CD276: variants seen among roughly 807,000 people sequenced by gnomAD.
The protein encoded by CD276 is CD276 molecule.
In CD276, 34 loss-of-function variants were observed where a neutral mutation model predicts 50.0. That is an observed-to-expected ratio of 0.68 (90% CI 0.52 to 0.91). The LOEUF is 0.91. CD276 is among the 40% of genes least tolerant of loss of function. The pLI, the probability that CD276 is intolerant of heterozygous loss-of-function variation, is 0.00. For missense variants in CD276, 634 were observed against 717.5 expected, an observed-to-expected ratio of 0.88 and a Z score of 1.33; for synonymous variants, 275 against 313.0, an observed-to-expected ratio of 0.88 and a Z score of 1.28.
At chr15:73,695,950 C>T (rs1346162217) in intron 1 of CD276, among the ~76,000 whole-genome samples, 1 of 152,228 alleles carries the variant, frequency 6.6e-6, no homozygotes, top group Admixed American at 6.5e-5. Flanking sequence ...TCCCCAGGCC[C>T]AGGGCATTTT....
intron 7 of CD276, 148 bp from the exon 8 acceptor site, chr15:73,709,500 G>T: frequency 1.3e-6 from 1 of 757,028 alleles, no homozygotes; most frequent in Non-Finnish European, 2.3e-6. Context: ...TCTGCTCTCG[G>T]GCTCTAACCC....
At chr15:73,708,198 T>C (rs1009682830) in intron 6 of CD276, 141 bp from the exon 7 acceptor site, 2 of 853,214 alleles carry the variant, frequency 2.3e-6, no homozygotes, top group Non-Finnish European at 3.6e-6. Context: ...GAAGGGACTG[T>C]AGGAACTTAA....
chr15:73,703,572 G>A, intron 4 of CD276, 87 bp from the exon 5 acceptor site: 1 of 1,057,252 alleles, frequency 9.5e-7, no homozygotes, highest in Non-Finnish European at 1.3e-6. Context: ...TCTGGGAATT[G>A]ATGGGGGAAG....
At chr15:73,699,540 G>T in intron 1 of CD276, 46 bp from the exon 2 acceptor site, 1 of 1,544,764 alleles carries the variant, frequency 6.5e-7, no homozygotes, top group Non-Finnish European at 8.7e-7. Flanking sequence ...GAGATGGTCT[G>T]GGGAGAACCT....
intron 7 of CD276, among the ~76,000 whole-genome samples, chr15:73,709,325 G>T (rs1035441144): frequency 6.6e-6 from 1 of 151,972 alleles, no homozygotes; most frequent in African/African-American, 2.4e-5. Context: ...GCTCCAGGCT[G>T]GGTGGATGGT....
chr15:73,699,553 GGA>G, intron 1 of CD276, 31 bp from the exon 2 acceptor site: 1 of 1,556,670 alleles, frequency 6.4e-7, no homozygotes, highest in Non-Finnish European at 8.7e-7. Context: ...GAGAACCTTT[GGA>G]GACAAAGGCC....
Position 73,708,338 on chromosome 15 carries a change from G to T in CD276, c.1370-1G>T. On this transcript the variant is annotated splice_acceptor_variant, in intron 6 of 9. Transcript: ENST00000318443. LOFTEE classifies it high-confidence loss of function. ...CTCACTGTTGCTACTTTTCCTCTCA[G>T]GGCAGCCTATGACATTCCCCCCAGA... 1.2e-6 allele frequency: 2 copies of T among 1,613,856 alleles called. No homozygotes were observed. The highest frequency in any genetic ancestry group is 1.7e-6 in the Non-Finnish European group (2 of 1,179,918).
At chr15:73,685,611 T>C (rs1438383322) in intron 1 of CD276, among the ~76,000 whole-genome samples, 1 of 152,122 alleles carries the variant, frequency 6.6e-6, no homozygotes, top group African/African-American at 2.4e-5. Context: ...CCTTTTCTTA[T>C]AAGCATGTCT....
Position 73,713,117 on chromosome 15 carries a change from C to A in CD276, c.*161C>A. 1 of 595,650 alleles carries A rather than the reference C, an allele frequency of 1.7e-6. No individual in the cohort carries two copies. Among genetic ancestry groups the A allele is most frequent in the Non-Finnish European group, 2.9e-6 (1 of 344,998 alleles). The allele number at this position is 595,650 out of a possible 1,614,324, so 36.9% of individuals were successfully genotyped here. ...CACAGACCACTGTGCAGCCTTATTTCTCCAATGGACATGATTCCCAAGTCA... is the reference window on the plus strand; with the variant it reads ...CACAGACCACTGTGCAGCCTTATTTATCCAATGGACATGATTCCCAAGTCA... On this transcript the variant is annotated 3_prime_UTR_variant, in exon 10 of 10. Coordinates refer to ENST00000318443, the MANE Select transcript of CD276 (RefSeq NM_001024736.2).
At chr15:73,694,102 G>A (rs1285113878) in intron 1 of CD276, among the ~76,000 whole-genome samples, 2 of 152,158 alleles carry the variant, frequency 1.3e-5, no homozygotes, top group African/African-American at 4.8e-5. Flanking sequence ...GGACATTTTG[G>A]TGTGGATGAT....
At position 73,699,383 on chromosome 15, in the gene CD276, T is replaced by G. The variant is rs111277087; in HGVS notation, c.-54-203T>G. On this transcript the variant is annotated intron_variant, in intron 1 of 9. Coordinates refer to ENST00000318443, the MANE Select transcript of CD276 (RefSeq NM_001024736.2). ...TGGATCCCAGCTGCCCCCTACCCCA[T>G]CTTCCCTGTCAGGCCTCCCCAGGGA... Among the ~76,000 whole-genome samples, 8,668 of 152,228 alleles carry G rather than the reference T, an allele frequency of 0.057. 281 individuals are homozygous for G. The highest frequency in any genetic ancestry group is 0.063 in the Non-Finnish European group (4,296 of 67,998).
At position 73,702,923 on chromosome 15, in the gene CD276, GACC is replaced by G. The variant is rs772370350; in HGVS notation, c.573_575del (p.Thr192del). The G allele has an allele frequency of 3.7e-6, 6 of 1,614,146 alleles. No individual in the cohort carries two copies. In the South Asian group the frequency reaches 4.4e-5, roughly 12 times the overall value. On this transcript the variant is annotated inframe_deletion, in exon 4 of 10. Transcript: ENST00000318443. ...AGGGTGTGCCCCTGACTGGCAACGT[GACC>G]ACGTCGCAGATGGCCAACGAGCAGG... is the stretch of plus-strand genomic sequence containing the variant.
chr15:73,694,424 CG>C (rs1387935176), intron 1 of CD276, among the ~76,000 whole-genome samples: 4 of 151,848 alleles, frequency 2.6e-5, no homozygotes, highest in Non-Finnish European at 5.9e-5. Context: ...GGTACGGAGA[CG>C]GGGAAGAGAA....
intron 4 of CD276, among the ~76,000 whole-genome samples, 163 bp downstream of exon 4, chr15:73,703,249 G>T (rs1372851543): frequency 6.6e-6 from 1 of 152,140 alleles, no homozygotes; most frequent in Non-Finnish European, 1.5e-5. Flanking sequence ...CACTGGAGGG[G>T]TTGGGGGCGG....
rs752615430 is a variant in CD276 at position 73,712,926 on chromosome 15, A to G, written c.1583-8A>G. On this transcript the variant is annotated splice_region_variant and splice_polypyrimidine_tract_variant and intron_variant, in intron 9 of 9. Coordinates refer to ENST00000318443, the MANE Select transcript of CD276 (RefSeq NM_001024736.2). ...TTCCCTTTTTTTTCTTCCCATCATG[A>G]AATGAAGATGATGGACAAGAAATAG... is the stretch of plus-strand genomic sequence containing the variant. The G allele has an allele frequency of 2.5e-6, 4 of 1,613,450 alleles. No homozygotes were observed. The highest frequency in any genetic ancestry group is 3.4e-6 in the Non-Finnish European group (4 of 1,179,616).
In CD276 at chr15:73,703,102, T is replaced by C; in HGVS notation, c.733+16T>C. 3 of 1,562,990 alleles carry C rather than the reference T, an allele frequency of 1.9e-6. No homozygotes were observed. The South Asian group carries it at 3.5e-5, about 18-fold the overall frequency. ...AGCCCCACAGGTTGCTTTGCTTAAA[T>C]GTCCCCTTGGGGGAGGGGGGTTCTG... On this transcript the variant is annotated intron_variant, in intron 4 of 9. Transcript: ENST00000318443.
At chr15:73,686,907 G>GA (rs1157437273) in intron 1 of CD276, among the ~76,000 whole-genome samples, 1 of 152,080 alleles carries the variant, frequency 6.6e-6, no homozygotes, top group East Asian at 1.9e-4. Context: ...CAAGGAGGAT[G>GA]ACGTTACTGC....
chr15:73,694,960 C>A (rs1470808839), intron 1 of CD276, among the ~76,000 whole-genome samples: 3 of 152,136 alleles, frequency 2.0e-5, no homozygotes, highest in African/African-American at 7.2e-5. Flanking sequence ...CTGATTGCAC[C>A]ACTGAACTAT....
At position 73,692,701 on chromosome 15, in the gene CD276, G is replaced by A. The variant is rs181664784; in HGVS notation, c.-54-6885G>A. On this transcript the variant is annotated intron_variant, in intron 1 of 9. Transcript: ENST00000318443. ...CCTGTAGTTGAATATTTATATGTAC[G>A]ATTCTTCATCTCCATTCATATTGCA... Among the ~76,000 whole-genome samples the A allele has an allele frequency of 6.5e-3, 995 of 152,300 alleles. 4 individuals carry two copies. The highest frequency in any genetic ancestry group is 0.012 in the Non-Finnish European group (790 of 68,036).
Sources: gnomAD v4.1 joint callset for allele counts (sites outside exome capture counted in the v4.1 genomes callset) on GRCh38, gnomAD v4.1.1 for gene constraint, MANE v1.5 for transcripts, NCBI Gene and HGNC (gene_info 2026-07-23, HGNC 2026-07-21) for gene names.